WDR5: variants seen among roughly 807,000 people sequenced by gnomAD.
The protein encoded by WDR5 is WD repeat-containing protein 5.
For missense variants in WDR5, 187 were observed against 416.9 expected (o/e 0.45, Z 4.80); for synonymous variants, 144 against 161.6 (o/e 0.89, Z 0.83).
chr9:134,138,296 C>A (rs149538424), intron 1 of WDR5, among the ~76,000 whole-genome samples: 1 of 151,690 alleles, frequency 6.6e-6, no homozygotes, highest in African/African-American at 2.4e-5. Flanking sequence ...TCTGGTGTTT[C>A]GCTTGGGTAG....
chr9:134,149,621 C>T (rs1564194010), intron 8 of WDR5, among the ~76,000 whole-genome samples: 1 of 152,186 alleles, frequency 6.6e-6, no homozygotes, highest in African/African-American at 2.4e-5. Flanking sequence ...CAGAATTACT[C>T]ATGGACCTGG....
At chr9:134,153,925 C>G (rs2132579204) in intron 9 of WDR5, among the ~76,000 whole-genome samples, 1 of 152,278 alleles carries the variant, frequency 6.6e-6, no homozygotes, top group African/African-American at 2.4e-5. Context: ...AACCTTGACT[C>G]TTTTTCAGCT....
intron 7 of WDR5, among the ~76,000 whole-genome samples, chr9:134,145,312 T>C (rs1464066299): frequency 3.3e-5 from 5 of 152,128 alleles, no homozygotes; most frequent in Non-Finnish European, 5.9e-5. Context: ...TTGGCCAGGC[T>C]GGTCTCAATC....
At chr9:134,153,053 C>A (rs1832572806) in intron 9 of WDR5, among the ~76,000 whole-genome samples, 1 of 152,208 alleles carries the variant, frequency 6.6e-6, no homozygotes, top group African/African-American at 2.4e-5. Context: ...AGTCCCCTTG[C>A]CACAGCGGTC....
Position 134,157,625 on chromosome 9 carries a change from T to C in WDR5, c.905-268T>C, listed in dbSNP as rs528935877. Among the ~76,000 whole-genome samples the C allele has an allele frequency of 8.5e-5, 13 of 152,274 alleles. No homozygotes were observed. Among genetic ancestry groups the C allele is most frequent in the Admixed American group, 8.5e-4 (13 of 15,304 alleles). On this transcript the variant is annotated intron_variant, in intron 13 of 13. Transcript: ENST00000358625. This position sits in a 1 kb window ranked among gnomAD's most constrained non-coding sequence, Gnocchi z 5.0. ...TGTTGGTGGGGGCGTGTGGGGCTCC[T>C]GGTCTGCAGGCAGGGCTGGCACTCC...
intron 3 of WDR5, among the ~76,000 whole-genome samples, chr9:134,141,080 G>A (rs567867800): frequency 3.3e-5 from 5 of 152,238 alleles, no homozygotes; most frequent in African/African-American, 7.2e-5. Flanking sequence ...TCAGGAGTTC[G>A]AGAGCAGCCT....
chr9:134,152,590 G>A (rs548508742), intron 9 of WDR5, among the ~76,000 whole-genome samples: 100 of 152,352 alleles, frequency 6.6e-4, no homozygotes, highest in African/African-American at 2.2e-3. Flanking sequence ...AGAAAGGAGC[G>A]GAAGGGTTTT....
chr9:134,145,947 TTTTTG>T (rs372556129), intron 7 of WDR5, among the ~76,000 whole-genome samples: 1,624 of 148,950 alleles, frequency 0.011, 20 homozygotes, highest in Middle Eastern at 0.021. Context: ...CTTTTTTTTT[TTTTTG>T]TTTTTTAATA....
Position 134,152,047 on chromosome 9 carries a change from T to C in WDR5, c.631+18T>C, listed in dbSNP as rs1221664143. On this transcript the variant is annotated intron_variant, in intron 9 of 13. Coordinates refer to ENST00000358625, the MANE Select transcript of WDR5 (RefSeq NM_017588.3). ...GCTCATCGGTGAGTGTGGCTCTGTG[T>C]GGGGGCTGGGTCTGTGGGGAGGGCC... The C allele has an allele frequency of 6.2e-7, 1 of 1,613,016 alleles. No individual in the cohort carries two copies. Among genetic ancestry groups the C allele is most frequent in the Non-Finnish European group, 8.5e-7 (1 of 1,179,592 alleles).
intron 12 of WDR5, among the ~76,000 whole-genome samples, chr9:134,156,206 C>T (rs1357938717): frequency 6.6e-6 from 1 of 152,234 alleles, no homozygotes; most frequent in Non-Finnish European, 1.5e-5. Context: ...GACACACAGA[C>T]TCAGAAAAGG....
intron 8 of WDR5, among the ~76,000 whole-genome samples, chr9:134,150,620 T>A (rs1448148477): frequency 6.6e-6 from 1 of 152,236 alleles, no homozygotes; most frequent in Non-Finnish European, 1.5e-5. Context: ...TTTGTAGATA[T>A]GTTTGCATGT....
chr9:134,152,719 C>T (rs552185196), intron 9 of WDR5, among the ~76,000 whole-genome samples: 3 of 152,314 alleles, frequency 2.0e-5, no homozygotes, highest in South Asian at 2.1e-4. Context: ...GGAGGCACCC[C>T]GTTTGCGCCC....
Position 134,156,567 on chromosome 9 carries a change from T to C in WDR5, c.878T>C (p.Ile293Thr), listed in dbSNP as rs778726417. The change falls in exon 13 of 14, where the codon ATT becomes ACT. Residue 293 changes from isoleucine (I) to threonine (T), a missense_variant. By Grantham distance (89) the Ile-to-Thr change is moderately conservative. Coordinates refer to ENST00000358625, the MANE Select transcript of WDR5 (RefSeq NM_017588.3). ...ATCTGGAACCTTCAGACGAAAGAGA[T>C]TGTACAGAAACTACAAGGCCACACA... ...VYIWNLQTKE[I>T]VQKLQGHTDV... 1.2e-6 allele frequency: 2 copies of C among 1,614,166 alleles called. No individual in the cohort carries two copies. Among genetic ancestry groups the C allele is most frequent in the South Asian group, 1.1e-5 (1 of 91,086 alleles).
intron 8 of WDR5, among the ~76,000 whole-genome samples, chr9:134,149,953 C>G (rs1375282419): frequency 6.6e-6 from 1 of 152,112 alleles, no homozygotes; most frequent in South Asian, 2.1e-4. Flanking sequence ...GCTGAAGAGG[C>G]TGGAAAAGGG....
intron 8 of WDR5, among the ~76,000 whole-genome samples, chr9:134,151,709 T>TG (rs1384579181): frequency 6.6e-6 from 1 of 152,120 alleles, no homozygotes; most frequent in Non-Finnish European, 1.5e-5. Context: ...CGCTCTGTGT[T>TG]GGGGGTCAAC....
chr9:134,139,890 G>A lies in WDR5; in HGVS notation c.13G>A (p.Glu5Lys). Residue 5 changes from glutamate (E) to lysine (K), a missense_variant, in exon 2 of 14, where the codon GAG becomes AAG. Glu to Lys is a moderately conservative substitution (Grantham distance 56, BLOSUM62 1). Transcript: ENST00000358625. ...CAGCGTCAGAGCCATGGCGACGGAG[G>A]AGAAGAAGCCCGAGACCGAGGCCGC... MATE[E>K]KKPETEAARA... 6.2e-7 allele frequency: 1 copy of A among 1,613,514 alleles called. No homozygotes were observed. Among genetic ancestry groups the A allele is most frequent in the South Asian group, 1.1e-5 (1 of 91,070 alleles).
At chr9:134,148,817 A>C (rs915687426) in intron 8 of WDR5, among the ~76,000 whole-genome samples, 2 of 152,136 alleles carry the variant, frequency 1.3e-5, no homozygotes, top group Non-Finnish European at 2.9e-5. Context: ...TCCTGCAGAA[A>C]GCCCACCTAG....
intron 7 of WDR5, among the ~76,000 whole-genome samples, chr9:134,143,459 T>C (rs1405746333): frequency 1.3e-5 from 2 of 151,774 alleles, no homozygotes; most frequent in African/African-American, 4.8e-5. Flanking sequence ...GAGAATCACT[T>C]GAACCTGGGA....
intron 1 of WDR5, among the ~76,000 whole-genome samples, chr9:134,138,412 C>T (rs1198395178): frequency 2.0e-5 from 3 of 152,214 alleles, no homozygotes; most frequent in Non-Finnish European, 2.9e-5. Context: ...TAGTTCCTCT[C>T]TCTCCCTGTA....
Sources: allele counts gnomAD v4.1 joint callset (sites outside exome capture counted in the v4.1 genomes callset), GRCh38; gene constraint gnomAD v4.1.1; non-coding constraint Gnocchi (gnomAD v3.1); transcripts MANE v1.5; gene names NCBI Gene and HGNC (gene_info 2026-07-23, HGNC 2026-07-21).